The following CSMD1 variants were observed in gnomAD, a reference collection of about 807,000 sequenced individuals.
CSMD1 encodes the protein CUB and Sushi multiple domains 1.
A neutral mutation model predicts 417.5 loss-of-function variants in CSMD1; 213 were observed. That is an observed-to-expected ratio of 0.51 (90% CI 0.46 to 0.57). The LOEUF (loss-of-function observed/expected upper bound fraction) is 0.57, where lower values mean the gene tolerates loss of function less well. Among genes scored for constraint, CSMD1 ranks in the 20% least tolerant of loss-of-function variants. The pLI, the probability that CSMD1 is intolerant of heterozygous loss-of-function variation, is 0.00. For missense variants in CSMD1, 6,923 were observed against 4,529.7 expected, an observed-to-expected ratio of 1.53 and a Z score of -15.17; for synonymous variants, 2,862 against 1,736.8, an observed-to-expected ratio of 1.65 and a Z score of -16.11.
rs534506055 is a variant in CSMD1, at chr8:3,210,372, T to C, written c.4867+4125A>G. 3.8e-3 allele frequency among the ~76,000 whole-genome samples: 324 copies of C among 85,778 alleles called. 3 individuals carry two copies. The highest frequency in any genetic ancestry group is 3.9e-3 in the Non-Finnish European group (155 of 39,750). 56.3% of individuals were successfully genotyped at this position (85,778 alleles called of 152,430 possible). A position where few individuals can be genotyped will look rare whatever the true frequency, so the allele number is the denominator to read the frequency against. ...GCCTCACTCCACAGATCTTCAGACA[T>C]GGAAACTGAAACAGTCTCTAATTAA... is the stretch of plus-strand genomic sequence containing the variant. On this transcript the variant is annotated intron_variant, in intron 30 of 69. Transcript: ENST00000635120.
chr8:3,246,854 T>A (rs1015006757), intron 26 of CSMD1, among the ~76,000 whole-genome samples: 11 of 152,206 alleles, frequency 7.2e-5, no homozygotes, highest in African/African-American at 2.7e-4. Context: ...CATGGTGCCA[T>A]TTTAGCGGTT....
At chr8:3,236,309 C>A (rs557697998) in intron 26 of CSMD1, among the ~76,000 whole-genome samples, 1 of 152,124 alleles carries the variant, frequency 6.6e-6, no homozygotes, top group South Asian at 2.1e-4. Context: ...TTAAAATTGC[C>A]ATAAACTACT....
intron 7 of CSMD1, among the ~76,000 whole-genome samples, chr8:3,623,567 A>G (rs1198358401): frequency 2.6e-5 from 4 of 152,242 alleles, no homozygotes; most frequent in East Asian, 3.8e-4. Context: ...TGTTTGCTAG[A>G]AACTCTTAGT....
At position 4,985,548 on chromosome 8, in the gene CSMD1, ATTG is replaced by A. The variant is rs529805299; in HGVS notation, c.85+8781_85+8783del. On this transcript the variant is annotated intron_variant, in intron 1 of 69. Coordinates refer to ENST00000635120, the MANE Select transcript of CSMD1 (RefSeq NM_033225.6). ...AATTCTCTTCCTATCCCCAGTCATC[ATTG>A]TTAAGGATCATATCAGACTAAAAAT... 9.8e-5 allele frequency among the ~76,000 whole-genome samples: 15 copies of A among 152,328 alleles called. No individual in the cohort carries two copies. In the South Asian group the frequency reaches 2.1e-3, roughly 21 times the overall value.
At chr8:3,990,612 C>G (rs550676173) in intron 5 of CSMD1, among the ~76,000 whole-genome samples, 1 of 152,136 alleles carries the variant, frequency 6.6e-6, no homozygotes, top group Non-Finnish European at 1.5e-5. Context: ...AGTTTTTTAA[C>G]TTTATTGAAA....
intron 1 of CSMD1, among the ~76,000 whole-genome samples, chr8:4,949,845 G>C (rs1476476569): frequency 1.3e-5 from 2 of 152,102 alleles, no homozygotes; most frequent in South Asian, 2.1e-4. Context: ...TATATATAGA[G>C]AGAATATATA....
intron 12 of CSMD1, among the ~76,000 whole-genome samples, chr8:3,466,483 C>T (rs188881021): frequency 1.3e-5 from 2 of 151,954 alleles, no homozygotes; most frequent in Non-Finnish European, 2.9e-5. Flanking sequence ...GATCTTGGCT[C>T]ACTGCAAGCT....
chr8:3,361,607 G>T (rs1809178946), intron 20 of CSMD1, among the ~76,000 whole-genome samples: 1 of 127,946 alleles, frequency 7.8e-6, no homozygotes, highest in Middle Eastern at 6.0e-3. Flanking sequence ...AGCTGAGATT[G>T]CACCACTGCA....
intron 1 of CSMD1, among the ~76,000 whole-genome samples, chr8:4,648,589 T>A (rs1411612233): frequency 6.6e-6 from 1 of 152,230 alleles, no homozygotes; most frequent in African/African-American, 2.4e-5. Flanking sequence ...AATGTGATTT[T>A]TTTTTGCACA....
intron 4 of CSMD1, among the ~76,000 whole-genome samples, chr8:4,004,757 G>GT (rs1419140765): frequency 9.2e-5 from 14 of 151,880 alleles, no homozygotes; most frequent in Non-Finnish European, 2.1e-4. Context: ...GTTTTGTTTT[G>GT]TTTTTGAGAT....
chr8:4,022,903 G>A (rs1023284753), intron 4 of CSMD1, among the ~76,000 whole-genome samples: 4 of 152,228 alleles, frequency 2.6e-5, no homozygotes, highest in African/African-American at 9.6e-5. Context: ...GGATTATTGT[G>A]ATGAAAGCAA....
chr8:3,864,411 A>T (rs945363193), intron 5 of CSMD1, among the ~76,000 whole-genome samples: 11 of 152,222 alleles, frequency 7.2e-5, no homozygotes, highest in African/African-American at 2.4e-4. Flanking sequence ...GAAGGTGAGA[A>T]AAAGCATGAG....
At chr8:3,985,045 T>C (rs963659956) in intron 5 of CSMD1, among the ~76,000 whole-genome samples, 1 of 152,074 alleles carries the variant, frequency 6.6e-6, no homozygotes, top group Admixed American at 6.6e-5. Context: ...TTGATTACTG[T>C]GCTCATGTTC....
intron 26 of CSMD1, among the ~76,000 whole-genome samples, chr8:3,256,117 C>G (rs1054002116): frequency 1.4e-4 from 21 of 151,940 alleles, no homozygotes; most frequent in Non-Finnish European, 2.9e-4. Context: ...CACCTGAGGT[C>G]AGGAGTTCCA....
In CSMD1 at chr8:3,018,587, T is replaced by C. The variant is rs1458751393; in HGVS notation, c.7919A>G (p.Tyr2640Cys). 2 of 1,613,514 alleles carry C rather than the reference T, an allele frequency of 1.2e-6. No homozygotes were observed. The highest frequency in any genetic ancestry group is 1.7e-6 in the Non-Finnish European group (2 of 1,179,818). The change falls in exon 52 of 70, where the codon TAT (tyrosine) becomes TGT (cysteine). Residue 2640 changes from tyrosine to cysteine, a missense_variant. Transcript: ENST00000635120. The part of the protein sequence containing the change: ...NGNKIGTLTV[Y>C]GATAIFTCNT... ...GCACGTAAATATAGCTGTGGCCCCATAAACTGTCAACGTTCCAATCTTGTT... is the reference window on the plus strand; with the variant it reads ...GCACGTAAATATAGCTGTGGCCCCACAAACTGTCAACGTTCCAATCTTGTT...
chr8:4,441,825 G>T (rs536782484), intron 2 of CSMD1, among the ~76,000 whole-genome samples: 1 of 152,154 alleles, frequency 6.6e-6, no homozygotes, highest in Non-Finnish European at 1.5e-5. Flanking sequence ...AAACACTGAA[G>T]TTTGAGTAAT....
chr8:3,817,039 CAA>C (rs1025151026), intron 5 of CSMD1, among the ~76,000 whole-genome samples: 23 of 151,708 alleles, frequency 1.5e-4, no homozygotes, highest in African/African-American at 5.3e-4. Flanking sequence ...TAGGAGATGA[CAA>C]GAGAGAAAGA....
chr8:3,844,874 A>T (rs1292378132), intron 5 of CSMD1, among the ~76,000 whole-genome samples: 2 of 152,154 alleles, frequency 1.3e-5, no homozygotes, highest in Non-Finnish European at 2.9e-5. Flanking sequence ...TTAAAACTAA[A>T]GTTTTTTCTA....
chr8:3,260,203 C>T (rs1402411343), intron 26 of CSMD1, among the ~76,000 whole-genome samples: 1 of 152,080 alleles, frequency 6.6e-6, no homozygotes, highest in African/African-American at 2.4e-5. Flanking sequence ...GCTTCCTCAC[C>T]CTGAATTGAA....
Sources: gnomAD v4.1 joint callset for allele counts (sites outside exome capture counted in the v4.1 genomes callset) on GRCh38, gnomAD v4.1.1 for gene constraint, MANE v1.5 for transcripts, NCBI Gene and HGNC (gene_info 2026-07-23, HGNC 2026-07-21) for gene names.